Variants in SLC35H1 observed in about 807,000 individuals in gnomAD.
The protein encoded by SLC35H1 is ovarian cancer-overexpressed gene 1 protein.
the SLC35H1 span, chr20:46,347,976 C>T: frequency 6.6e-6 from 1 of 152,264 alleles, no homozygotes; most frequent in African/African-American, 2.4e-5. Context: ...GGAGCTGGGG[C>T]TGTGTGGGGA....
the SLC35H1 span, chr20:46,350,918 T>C: frequency 6.8e-5 from 109 of 1,612,426 alleles, no homozygotes; most frequent in Non-Finnish European, 8.6e-5. Context: ...GGAGGGAGCA[T>C]GATCAACAGG....
the SLC35H1 span, chr20:46,346,912 G>C: frequency 1.3e-5 from 2 of 148,392 alleles, no homozygotes; most frequent in African/African-American, 4.9e-5. Context: ...AAAAGCATCT[G>C]TTAAGTGCAT....
the SLC35H1 span, among the ~76,000 whole-genome samples, chr20:46,363,764 G>T: frequency 6.6e-6 from 1 of 152,186 alleles, no homozygotes; most frequent in Non-Finnish European, 1.5e-5. Context: ...GATGGCACAC[G>T]AAACAGATCA....
the SLC35H1 span, chr20:46,352,112 G>A: frequency 6.2e-7 from 1 of 1,614,240 alleles, no homozygotes; most frequent in Non-Finnish European, 8.5e-7. Context: ...GAGGAACTCA[G>A]AGAAGCCCAA....
At chr20:46,354,909 G>C in the SLC35H1 span, 5 of 1,611,902 alleles carry the variant, frequency 3.1e-6, no homozygotes, top group Non-Finnish European at 4.2e-6. Context: ...AGAGGGAAGA[G>C]CCCCAGGAAC....
At chr20:46,352,218 A>T in the SLC35H1 span, 1 of 1,614,088 alleles carries the variant, frequency 6.2e-7, no homozygotes, top group Admixed American at 1.7e-5. Flanking sequence ...GATGTGGACA[A>T]ATGGAGACCT....
the SLC35H1 span, chr20:46,353,193 A>G: frequency 1.3e-5 from 2 of 152,244 alleles, no homozygotes; most frequent in Non-Finnish European, 2.9e-5. Context: ...CCTTACTGAT[A>G]AAATGAGAGG....
At chr20:46,350,405 C>T in the SLC35H1 span, 10 of 1,611,706 alleles carry the variant, frequency 6.2e-6, no homozygotes, top group Middle Eastern at 1.6e-4. Context: ...CACTGCTGCC[C>T]CTGGGCCACA....
At chr20:46,358,124 T>C in the SLC35H1 span, among the ~76,000 whole-genome samples, 4 of 152,192 alleles carry the variant, frequency 2.6e-5, no homozygotes, top group Non-Finnish European at 5.9e-5. Context: ...ACTTCTCTAG[T>C]GGGGTAAATA....
chr20:46,356,387 G>T, the SLC35H1 span, among the ~76,000 whole-genome samples: 1 of 152,312 alleles, frequency 6.6e-6, no homozygotes, highest in Admixed American at 6.5e-5. Flanking sequence ...TCTCCTCTGC[G>T]CTGGGCTTAC....
chr20:46,358,816 G>T, the SLC35H1 span: 1 of 1,135,522 alleles, frequency 8.8e-7, no homozygotes, highest in Non-Finnish European at 1.3e-6. Flanking sequence ...TGTGCTTCTC[G>T]TAGCCATGGG....
chr20:46,350,270 C>G, the SLC35H1 span: 1 of 1,262,562 alleles, frequency 7.9e-7, no homozygotes, highest in Non-Finnish European at 1.1e-6. Flanking sequence ...TGGCTTGGCC[C>G]CACCACCTGG....
At chr20:46,356,517 T>C in the SLC35H1 span, 2 of 1,588,232 alleles carry the variant, frequency 1.3e-6, no homozygotes, top group East Asian at 4.5e-5. Context: ...GACACCCCGC[T>C]GGACAGACAG....
At chr20:46,363,741 A>C in the SLC35H1 span, among the ~76,000 whole-genome samples, 44 of 152,276 alleles carry the variant, frequency 2.9e-4, no homozygotes, top group Admixed American at 8.5e-4. Context: ...GGAATCTATA[A>C]AGCAGCCAGA....
chr20:46,362,504 C>T, the SLC35H1 span, among the ~76,000 whole-genome samples: 1 of 152,100 alleles, frequency 6.6e-6, no homozygotes, highest in Non-Finnish European at 1.5e-5. Context: ...ATCCTGGTGT[C>T]CCTACTCACT....
At chr20:46,352,256 G>A in the SLC35H1 span, 3 of 1,609,124 alleles carry the variant, frequency 1.9e-6, no homozygotes, top group African/African-American at 1.3e-5. Context: ...AGAGTGGGAG[G>A]CCGGGTCCTG....
chr20:46,356,297 C>G, the SLC35H1 span, among the ~76,000 whole-genome samples: 9 of 152,196 alleles, frequency 5.9e-5, no homozygotes, highest in African/African-American at 2.2e-4. Flanking sequence ...GGCCTTGCAG[C>G]CTGCCTTCCC....
At chr20:46,348,183 G>A in the SLC35H1 span, 1 of 152,226 alleles carries the variant, frequency 6.6e-6, no homozygotes, top group African/African-American at 2.4e-5. Context: ...GGTGGGGGAG[G>A]AGAGGGAGCC....
the SLC35H1 span, chr20:46,346,128 C>T: frequency 6.6e-6 from 1 of 152,058 alleles, no homozygotes; most frequent in Non-Finnish European, 1.5e-5. Flanking sequence ...TTCTGTTGTT[C>T]CCCAGCAGGA....
Sources: gnomAD v4.1 joint callset for allele counts (sites outside exome capture counted in the v4.1 genomes callset) on GRCh38, gnomAD v4.1.1 for gene constraint, MANE v1.5 for transcripts, NCBI Gene and HGNC (gene_info 2026-07-23, HGNC 2026-07-21) for gene names.